The following ATXN10 variants were observed in gnomAD, a reference collection of about 807,000 sequenced individuals.
ATXN10 encodes the protein ataxin 10.
A neutral mutation model predicts 52.9 loss-of-function variants in ATXN10; 28 were observed. That is an observed-to-expected ratio of 0.53 (90% confidence interval 0.39 to 0.73). The LOEUF (loss-of-function observed/expected upper bound fraction) is 0.73, where lower values mean the gene tolerates loss of function less well. Among genes scored for constraint, ATXN10 ranks in the 30% least tolerant of loss-of-function variants. The pLI is 0.00. For missense variants in ATXN10, 565 were observed against 577.0 expected (o/e 0.98, Z 0.21); for synonymous variants, 226 against 221.5 (o/e 1.02, Z -0.18).
chr22:45,795,424 T>TA lies in ATXN10; in HGVS notation c.1174-11535_1174-11534insA, dbSNP rs1555896219. Among the ~76,000 whole-genome samples, 5 of 147,558 alleles carry TA rather than the reference T, an allele frequency of 3.4e-5. No homozygotes were observed. The highest frequency in any genetic ancestry group is 6.8e-5 in the Admixed American group (1 of 14,758). On this transcript the variant is annotated intron_variant, in intron 9 of 11. Coordinates refer to ENST00000252934, the MANE Select transcript of ATXN10 (RefSeq NM_013236.4). This position sits in a 1 kb window ranked among gnomAD's most constrained non-coding sequence, Gnocchi z 4.6. The stretch of plus-strand genomic sequence containing the variant: ...TATTCTATTCTATTCTATTCTATTC[T>TA]TTTTGAGATGAAGTCTCTCTATGTT...
chr22:45,684,029 A>T lies in ATXN10; in HGVS notation c.117-5683A>T, dbSNP rs543424117. Among the ~76,000 whole-genome samples the T allele has an allele frequency of 6.6e-6, 1 of 152,126 alleles. No homozygotes were observed. The highest frequency in any genetic ancestry group is 1.5e-5 in the Non-Finnish European group (1 of 68,018). ...TGCAGTGTTGTGATCATAGCTCACC[A>T]TAGCCTTGAACTCCTGGGTTCAAGC... On this transcript the variant is annotated intron_variant, in intron 1 of 11. Transcript: ENST00000252934. This position sits in a 1 kb window ranked among gnomAD's most constrained non-coding sequence, Gnocchi z 4.1.
At chr22:45,801,285 C>G (rs1927923414) in intron 9 of ATXN10, among the ~76,000 whole-genome samples, 1 of 152,200 alleles carries the variant, frequency 6.6e-6, no homozygotes, top group South Asian at 2.1e-4. Flanking sequence ...AAAACCTCCC[C>G]CAAGTGATTC....
At chr22:45,791,135 A>G (rs1361044700) in intron 9 of ATXN10, among the ~76,000 whole-genome samples, 1 of 152,170 alleles carries the variant, frequency 6.6e-6, no homozygotes, top group Non-Finnish European at 1.5e-5. Context: ...CTCTTACTCC[A>G]AAAAACATTA....
Position 45,762,702 on chromosome 22 carries a change from CA to C in ATXN10, c.1173+22165del. Among the ~76,000 whole-genome samples, 1 of 152,212 alleles carries C rather than the reference CA, an allele frequency of 6.6e-6. No individual in the cohort carries two copies. The highest frequency in any genetic ancestry group is 1.5e-5 in the Non-Finnish European group (1 of 68,038). On this transcript the variant is annotated intron_variant, in intron 9 of 11. Transcript: ENST00000252934. The surrounding 1 kb of genome is among the most constrained non-coding windows in gnomAD (Gnocchi z 4.3). ...CCTCCTGGTCCCCCAGAGGCCACCTCACTCTTACTCCTGTCTCCAGGCTGGT... is the reference window on the plus strand; with the variant it reads ...CCTCCTGGTCCCCCAGAGGCCACCTCCTCTTACTCCTGTCTCCAGGCTGGT...
chr22:45,679,153 AATT>A (rs1922817499), intron 1 of ATXN10: 1 of 152,102 alleles, frequency 6.6e-6, no homozygotes, highest in Non-Finnish European at 1.5e-5. Flanking sequence ...ATAATCACTT[AATT>A]ACCTACCAGT....
chr22:45,722,282 G>A (rs1001006448), intron 6 of ATXN10, among the ~76,000 whole-genome samples: 1 of 152,158 alleles, frequency 6.6e-6, no homozygotes, highest in African/African-American at 2.4e-5. Context: ...TATTTTCAAG[G>A]AAGAGATAGA....
At position 45,840,876 on chromosome 22, in the gene ATXN10, A is replaced by G. The variant is rs1383597707; in HGVS notation, c.1238-2115A>G. Reference sequence around the variant, plus strand: ...CATTAGAGAGTTATACTCATGAACAAAAATTCCCCAGTCTTACATTTCTTG... The same window carrying G: ...CATTAGAGAGTTATACTCATGAACAGAAATTCCCCAGTCTTACATTTCTTG... On this transcript the variant is annotated intron_variant, in intron 10 of 11. Transcript: ENST00000252934. This position sits in a 1 kb window ranked among gnomAD's most constrained non-coding sequence, Gnocchi z 5.8. 6.6e-6 allele frequency among the ~76,000 whole-genome samples: 1 copy of G among 152,234 alleles called. No homozygotes were observed. Among genetic ancestry groups the G allele is most frequent in the East Asian group, 1.9e-4 (1 of 5,202 alleles).
intron 10 of ATXN10, among the ~76,000 whole-genome samples, chr22:45,817,261 T>C (rs982884249): frequency 3.9e-5 from 6 of 152,132 alleles, no homozygotes; most frequent in Non-Finnish European, 8.8e-5. Context: ...GAAAACCCAT[T>C]AGTGCTGTTT....
chr22:45,676,618 T>A (rs1286193922), intron 1 of ATXN10: 2 of 152,014 alleles, frequency 1.3e-5, no homozygotes, highest in African/African-American at 4.8e-5. Flanking sequence ...TAGTTGGAAT[T>A]ACAGGCATAC....
intron 6 of ATXN10, among the ~76,000 whole-genome samples, chr22:45,719,517 TA>T (rs1280796096): frequency 2.0e-5 from 3 of 151,936 alleles, no homozygotes; most frequent in Non-Finnish European, 2.9e-5. Context: ...TTTTTTGACC[TA>T]AAAGAGATAA....
intron 9 of ATXN10, among the ~76,000 whole-genome samples, chr22:45,794,131 A>AT (rs1326172690): frequency 1.3e-5 from 2 of 152,236 alleles, no homozygotes; most frequent in Non-Finnish European, 2.9e-5. Flanking sequence ...GTAAACTGAC[A>AT]TGACATATTG....
rs1405807245 is a variant in ATXN10, at chr22:45,715,205, A to T, written c.648-3208A>T. 1.3e-5 allele frequency among the ~76,000 whole-genome samples: 2 copies of T among 152,208 alleles called. No homozygotes were observed. Among genetic ancestry groups the T allele is most frequent in the African/African-American group, 4.8e-5 (2 of 41,446 alleles). ...TTTCAAGAAGAAAATTTCCAAAGTG[A>T]AGCAGACCCAGTCTGTTGCCCACTG... On this transcript the variant is annotated intron_variant, in intron 5 of 11. Coordinates refer to ENST00000252934, the MANE Select transcript of ATXN10 (RefSeq NM_013236.4). The surrounding 1 kb of genome is among the most constrained non-coding windows in gnomAD (Gnocchi z 4.4).
chr22:45,771,509 C>T (rs542806217), intron 9 of ATXN10, among the ~76,000 whole-genome samples: 67 of 151,446 alleles, frequency 4.4e-4, no homozygotes, highest in Non-Finnish European at 7.7e-4. Flanking sequence ...CTCTGCCTCC[C>T]GGGTTGAAGT....
Position 45,763,894 on chromosome 22 carries a change from C to T in ATXN10, c.1173+23356C>T, listed in dbSNP as rs372331135. Among the ~76,000 whole-genome samples, 2 of 152,110 alleles carry T rather than the reference C, an allele frequency of 1.3e-5. No individual in the cohort carries two copies. Among genetic ancestry groups the T allele is most frequent in the East Asian group, 3.9e-4 (2 of 5,166 alleles). On this transcript the variant is annotated intron_variant, in intron 9 of 11. Coordinates refer to ENST00000252934, the MANE Select transcript of ATXN10 (RefSeq NM_013236.4). The surrounding 1 kb of genome is among the most constrained non-coding windows in gnomAD (Gnocchi z 6.9). ...CTTGAGGTGCCGGCTGTGTTAGGCT[C>T]TTACCCCCACCTCCCCCAGTGTCTT...
At chr22:45,752,742 TC>T (rs1291449253) in intron 9 of ATXN10, among the ~76,000 whole-genome samples, 1 of 151,390 alleles carries the variant, frequency 6.6e-6, no homozygotes, top group African/African-American at 2.4e-5. Flanking sequence ...CAGATCCACT[TC>T]TTTTTTTTTT....
intron 10 of ATXN10, among the ~76,000 whole-genome samples, chr22:45,834,450 TC>T (rs933382629): frequency 2.6e-5 from 4 of 152,198 alleles, no homozygotes; most frequent in African/African-American, 9.6e-5. Context: ...ACTGGCAGTG[TC>T]CCGGGTTGTG....
At position 45,784,104 on chromosome 22, in the gene ATXN10, A is replaced by G. The variant is rs1927244156; in HGVS notation, c.1174-22855A>G. ...TGCACACTTTGAGGTTTTCCAGCAC[A>G]TTTAATATTATTTCAGCCATTCTCT... On this transcript the variant is annotated intron_variant, in intron 9 of 11. Coordinates refer to ENST00000252934, the MANE Select transcript of ATXN10 (RefSeq NM_013236.4). The surrounding 1 kb of genome is among the most constrained non-coding windows in gnomAD (Gnocchi z 4.2). Among the ~76,000 whole-genome samples the G allele has an allele frequency of 6.6e-6, 1 of 152,138 alleles. No individual in the cohort carries two copies. Among genetic ancestry groups the G allele is most frequent in the Non-Finnish European group, 1.5e-5 (1 of 68,020 alleles).
rs1923444643 is a variant in ATXN10 at position 45,693,013 on chromosome 22, G to GTGTTGCTGT, written c.329_337dup (p.Val110_Val112dup). 6.2e-7 allele frequency: 1 copy of GTGTTGCTGT among 1,613,968 alleles called. No individual in the cohort carries two copies. The highest frequency in any genetic ancestry group is 1.3e-5 in the African/African-American group (1 of 74,924). ...AAACCCAGGAACTTGGATACGATTGGTGTTGCTGTTGATTTGATTCTTCTG... is the reference window on the plus strand; with the variant it reads ...AAACCCAGGAACTTGGATACGATTGGTGTTGCTGTTGTTGCTGTTGATTTGATTCTTCTG... On this transcript the variant is annotated inframe_insertion, in exon 3 of 12. Transcript: ENST00000252934.
chr22:45,838,630 A>C (rs979917604), intron 10 of ATXN10, among the ~76,000 whole-genome samples: 1 of 152,174 alleles, frequency 6.6e-6, no homozygotes, highest in Non-Finnish European at 1.5e-5. Flanking sequence ...ACAAGAGGGC[A>C]ATGTGAATAT....
Sources: allele counts gnomAD v4.1 joint callset (sites outside exome capture counted in the v4.1 genomes callset), GRCh38; gene constraint gnomAD v4.1.1; non-coding constraint Gnocchi (gnomAD v3.1); transcripts MANE v1.5; gene names NCBI Gene and HGNC (gene_info 2026-07-23, HGNC 2026-07-21).